GPHN: variants seen among roughly 807,000 people sequenced by gnomAD.
GPHN encodes the protein gephyrin.
GPHN carries 17 observed loss-of-function variants against 95.5 expected under a neutral mutation model. The observed-to-expected ratio is 0.18, with a 90% CI of 0.12 to 0.27. The LOEUF is 0.27. Ranked by LOEUF, GPHN falls within the 10% of genes least tolerant of loss-of-function variation. The probability of loss-of-function intolerance (pLI) is 1.00; values close to 1 mark genes in which losing one functional copy is unlikely to be tolerated. For synonymous variants in GPHN, 320 were observed against 322.5 expected, an observed-to-expected ratio of 0.99 and a Z score of 0.08; for missense variants, 660 against 978.1, an observed-to-expected ratio of 0.67 and a Z score of 4.34.
chr14:67,050,359 G>T (rs550596043), intron 10 of GPHN, among the ~76,000 whole-genome samples: 5 of 152,128 alleles, frequency 3.3e-5, no homozygotes, highest in African/African-American at 4.8e-5. Context: ...CCCAATTTTG[G>T]ACTTTGTTTG....
intron 12 of GPHN, among the ~76,000 whole-genome samples, chr14:67,096,976 T>C (rs1294876253): frequency 1.3e-5 from 2 of 152,202 alleles, no homozygotes; most frequent in Non-Finnish European, 2.9e-5. Context: ...TATAAAACTT[T>C]GTGTTAGAAA....
intron 4 of GPHN, among the ~76,000 whole-genome samples, chr14:66,827,656 G>C (rs150427655): frequency 1.3e-5 from 2 of 151,732 alleles, no homozygotes; most frequent in Non-Finnish European, 2.9e-5. Context: ...TTTCTTTTTT[G>C]CATGTAATAC....
chr14:67,018,876 T>C (rs1217895108), intron 9 of GPHN, among the ~76,000 whole-genome samples: 1 of 152,172 alleles, frequency 6.6e-6, no homozygotes, highest in African/African-American at 2.4e-5. Flanking sequence ...GCCCAGAGCC[T>C]AAAATACCAA....
the GPHN span, among the ~76,000 whole-genome samples, chr14:67,218,744 C>T: frequency 5.9e-5 from 9 of 151,862 alleles, no homozygotes; most frequent in East Asian, 3.9e-4. Context: ...TTCTGCTTGC[C>T]CAAGGGTATA....
At chr14:66,527,361 T>C (rs1423805302) in intron 1 of GPHN, among the ~76,000 whole-genome samples, 4 of 151,902 alleles carry the variant, frequency 2.6e-5, no homozygotes, top group Admixed American at 1.3e-4. Context: ...TTCTTCTTTA[T>C]TAGTCTGGCT....
At chr14:67,125,390 C>G (rs562689996) in intron 17 of GPHN, among the ~76,000 whole-genome samples, 18 of 152,276 alleles carry the variant, frequency 1.2e-4, no homozygotes, top group Middle Eastern at 6.8e-3. Flanking sequence ...TATTGTCACA[C>G]AGAAGCATCT....
At chr14:66,819,423 C>T (rs886687776) in intron 3 of GPHN, among the ~76,000 whole-genome samples, 2 of 151,920 alleles carry the variant, frequency 1.3e-5, no homozygotes, top group Admixed American at 6.6e-5. Context: ...TCTGTTCTGT[C>T]CCCATTGCTT....
chr14:66,769,837 T>C (rs2059101510), intron 2 of GPHN, among the ~76,000 whole-genome samples: 1 of 152,188 alleles, frequency 6.6e-6, no homozygotes, highest in Non-Finnish European at 1.5e-5. Flanking sequence ...TTTCTTTGGG[T>C]ATATACCCAG....
At chr14:66,912,940 G>A (rs2065740482) in intron 5 of GPHN, among the ~76,000 whole-genome samples, 1 of 152,156 alleles carries the variant, frequency 6.6e-6, no homozygotes, top group South Asian at 2.1e-4. Context: ...CTCAAGCACA[G>A]TTTATCACAG....
the GPHN span, among the ~76,000 whole-genome samples, chr14:67,599,268 G>T: frequency 6.6e-6 from 1 of 152,116 alleles, no homozygotes; most frequent in East Asian, 1.9e-4. Context: ...TGAAAATTAG[G>T]ATAATTCTTT....
the GPHN span, among the ~76,000 whole-genome samples, chr14:67,661,302 T>TG: frequency 2.6e-3 from 362 of 139,856 alleles, 1 homozygote; most frequent in South Asian, 0.018. Flanking sequence ...AAAAAAAAGT[T>TG]TTTTTTTTTT....
Position 66,778,588 on chromosome 14 carries a change from C to T in GPHN, c.201+2067C>T, listed in dbSNP as rs547716188. 9.1e-4 allele frequency among the ~76,000 whole-genome samples: 139 copies of T among 152,100 alleles called. 1 individual carries two copies. The highest frequency in any genetic ancestry group is 1.7e-3 in the Non-Finnish European group (117 of 67,970). Reference sequence around the variant, plus strand: ...ATACTGGTTAAATTGTTAACAATGACATGTAAAGATCTCAACAAATCACTA... The same window carrying T: ...ATACTGGTTAAATTGTTAACAATGATATGTAAAGATCTCAACAAATCACTA... On this transcript the variant is annotated intron_variant, in intron 3 of 22. Transcript: ENST00000478722.
At chr14:66,981,135 T>C (rs1413900535) in intron 9 of GPHN, among the ~76,000 whole-genome samples, 2 of 152,214 alleles carry the variant, frequency 1.3e-5, no homozygotes, top group Non-Finnish European at 2.9e-5. Context: ...AACTTTTGAC[T>C]TCTCACTTCT....
chr14:67,400,490 C>A, the GPHN span, among the ~76,000 whole-genome samples: 3 of 152,234 alleles, frequency 2.0e-5, no homozygotes, highest in African/African-American at 4.8e-5. Context: ...AGCCCAGCCT[C>A]AGGTCCCCAT....
At chr14:67,212,517 G>T in the GPHN span, among the ~76,000 whole-genome samples, 1 of 150,168 alleles carries the variant, frequency 6.7e-6, no homozygotes, top group Non-Finnish European at 1.5e-5. Context: ...CCTAATCCTG[G>T]GGGGTTGAGG....
At chr14:66,665,193 C>G (rs533165331) in intron 1 of GPHN, among the ~76,000 whole-genome samples, 2 of 152,198 alleles carry the variant, frequency 1.3e-5, no homozygotes, top group African/African-American at 4.8e-5. Context: ...AAGAAAACTT[C>G]AGGCCAATAT....
chr14:66,635,137 T>C (rs2064027867), intron 1 of GPHN, among the ~76,000 whole-genome samples: 1 of 152,112 alleles, frequency 6.6e-6, no homozygotes, highest in South Asian at 2.1e-4. Context: ...CTTTGTATGA[T>C]TGTTTGGGCT....
At chr14:67,281,468 C>T in the GPHN span, among the ~76,000 whole-genome samples, 2 of 151,954 alleles carry the variant, frequency 1.3e-5, no homozygotes, top group Non-Finnish European at 2.9e-5. Context: ...TACTTCATTC[C>T]TGATTGCTTC....
intron 17 of GPHN, among the ~76,000 whole-genome samples, chr14:67,138,887 C>CTTTTTTT (rs34446302): frequency 2.1e-5 from 2 of 94,680 alleles, no homozygotes; most frequent in African/African-American, 6.0e-5. Flanking sequence ...GCATCCTCTC[C>CTTTTTTT]TTTTTTTTTT....
Sources: gnomAD v4.1 joint callset for allele counts (sites outside exome capture counted in the v4.1 genomes callset) on GRCh38, gnomAD v4.1.1 for gene constraint, MANE v1.5 for transcripts, NCBI Gene and HGNC (gene_info 2026-07-23, HGNC 2026-07-21) for gene names.